FNDC7: variants seen among roughly 807,000 people sequenced by gnomAD.
The protein encoded by FNDC7 is fibronectin type III domain-containing protein 7.
In FNDC7, 66 loss-of-function variants were observed where a neutral mutation model predicts 74.2. The ratio of observed to expected loss-of-function variants is 0.89; its 90% CI spans 0.73 to 1.09. FNDC7 has a LOEUF of 1.09. Ranked by LOEUF, FNDC7 falls within the 50% of genes least tolerant of loss-of-function variation. The probability of loss-of-function intolerance (pLI) is 0.00; values close to 1 mark genes in which losing one functional copy is unlikely to be tolerated. For missense variants in FNDC7, 829 were observed against 893.4 expected, an observed-to-expected ratio of 0.93 and a Z score of 0.92; for synonymous variants, 307 against 330.2, an observed-to-expected ratio of 0.93 and a Z score of 0.76.
rs1008329832 is a variant in FNDC7 at position 108,723,226 on chromosome 1, G to A, written c.856+634G>A. Among the ~76,000 whole-genome samples, 6 of 152,070 alleles carry A rather than the reference G, an allele frequency of 3.9e-5. No homozygotes were observed. The East Asian group carries it at 1.2e-3, about 29-fold the overall frequency. On this transcript the variant is annotated intron_variant, in intron 5 of 12. Coordinates refer to ENST00000370017, the MANE Select transcript of FNDC7 (RefSeq NM_001144937.3). ...ATCTCATGACAACTCAGTGAGGTGG[G>A]TTCTATTTTCTCTTTTTTTACATAA...
At chr1:108,720,409 A>G (rs1371600601) in intron 4 of FNDC7, among the ~76,000 whole-genome samples, 1 of 152,240 alleles carries the variant, frequency 6.6e-6, no homozygotes, top group Non-Finnish European at 1.5e-5. Context: ...CACAGGAGGC[A>G]GCATCTTCAT....
chr1:108,721,241 G>A (rs185108163), intron 4 of FNDC7, among the ~76,000 whole-genome samples: 10 of 152,250 alleles, frequency 6.6e-5, no homozygotes, highest in Middle Eastern at 3.4e-3. Flanking sequence ...AGGCTGAGGC[G>A]GGTGGATCAC....
At chr1:108,728,931 T>C (rs1474738698) in intron 8 of FNDC7, 45 bp downstream of exon 8, 1 of 1,594,804 alleles carries the variant, frequency 6.3e-7, no homozygotes, top group South Asian at 1.1e-5. Flanking sequence ...AGTGGGGTCC[T>C]TATGGAGTGT....
chr1:108,729,779 T>C (rs1418513026), intron 8 of FNDC7, among the ~76,000 whole-genome samples: 2 of 152,216 alleles, frequency 1.3e-5, no homozygotes, highest in South Asian at 2.1e-4. Flanking sequence ...GTTTTTCTTA[T>C]ATACAGTGAT....
intron 10 of FNDC7, among the ~76,000 whole-genome samples, chr1:108,735,988 TG>T (rs1237983451): frequency 6.6e-6 from 1 of 151,952 alleles, no homozygotes; most frequent in East Asian, 1.9e-4. Context: ...AAAATTTTTT[TG>T]TAGAGACAAG....
intron 10 of FNDC7, among the ~76,000 whole-genome samples, chr1:108,735,519 T>C (rs1328716281): frequency 1.3e-5 from 2 of 152,178 alleles, no homozygotes; most frequent in Non-Finnish European, 2.9e-5. Flanking sequence ...ATATGCACCA[T>C]GCATGAAAAA....
intron 4 of FNDC7, among the ~76,000 whole-genome samples, chr1:108,721,063 C>T (rs1327606397): frequency 1.3e-5 from 2 of 152,244 alleles, no homozygotes; most frequent in Admixed American, 6.5e-5. Context: ...AGCAGAACTG[C>T]CTCTGCAGAC....
intron 2 of FNDC7, among the ~76,000 whole-genome samples, chr1:108,715,338 C>T (rs1193845097): frequency 6.6e-6 from 1 of 152,164 alleles, no homozygotes; most frequent in African/African-American, 2.4e-5. Flanking sequence ...TTTTCTCTTT[C>T]ATCAGTCCAG....
intron 4 of FNDC7, 60 bp downstream of exon 4, chr1:108,719,109 G>A: frequency 6.5e-7 from 1 of 1,530,128 alleles, no homozygotes; most frequent in Non-Finnish European, 8.8e-7. Context: ...GGGGGGCTGT[G>A]TGTTGCAGCC....
At chr1:108,722,306 A>G (rs753031020) in intron 4 of FNDC7, 29 bp from the exon 5 acceptor site, 1 of 1,537,612 alleles carries the variant, frequency 6.5e-7, no homozygotes, top group South Asian at 1.2e-5. Context: ...AGGCTACTAC[A>G]AAATCTTAAT....
rs562744049 is a variant in FNDC7, at chr1:108,728,394, G to T, written c.1370-238G>T. On this transcript the variant is annotated intron_variant, in intron 7 of 12. Transcript: ENST00000370017. ...ATAAATATGTTTCTTACTTACTTTT[G>T]CTTTTGGAGTTCACAATGCTTTTAA... Among the ~76,000 whole-genome samples, 16 of 152,248 alleles carry T rather than the reference G, an allele frequency of 1.1e-4. No homozygotes were observed. The East Asian group carries it at 3.1e-3, about 29-fold the overall frequency.
chr1:108,721,751 C>T (rs1333317735), intron 4 of FNDC7, among the ~76,000 whole-genome samples: 1 of 152,180 alleles, frequency 6.6e-6, no homozygotes, highest in Non-Finnish European at 1.5e-5. Flanking sequence ...ATGTATGCAT[C>T]ACACTTGACA....
intron 5 of FNDC7, among the ~76,000 whole-genome samples, chr1:108,723,498 A>T (rs955222551): frequency 4.6e-5 from 7 of 152,248 alleles, no homozygotes; most frequent in African/African-American, 9.6e-5. Flanking sequence ...CAGGAAAAAA[A>T]AAATAAAGCT....
chr1:108,733,173 C>G, intron 9 of FNDC7, 99 bp from the exon 10 acceptor site: 1 of 1,409,178 alleles, frequency 7.1e-7, no homozygotes, highest in East Asian at 2.3e-5. Context: ...GTTACTTAGA[C>G]TAGTTTGCTT....
rs572093742 is a variant in FNDC7 at position 108,737,524 on chromosome 1, G to A, written c.2170G>A (p.Val724Met). 1 of 1,588,892 alleles carries A rather than the reference G, an allele frequency of 6.3e-7. No individual in the cohort carries two copies. Among genetic ancestry groups the A allele is most frequent in the African/African-American group, 1.4e-5 (1 of 73,132 alleles). ...VTCSGSTLGM[V>M]IYRGKRNEE ...TTGCTCTGGAAGTACACTTGGAATG[G>A]GTAAGTCATTTTTCTCATGGATAAA... Residue 724 changes from valine (V) to methionine (M), a missense_variant and splice_region_variant, in exon 11 of 13, where the codon GTG becomes ATG. Physicochemically the swap from Val to Met is conservative, Grantham distance 21. Coordinates refer to ENST00000370017, the MANE Select transcript of FNDC7 (RefSeq NM_001144937.3).
chr1:108,732,657 T>A (rs144063702), intron 9 of FNDC7, among the ~76,000 whole-genome samples: 167 of 152,326 alleles, frequency 1.1e-3, no homozygotes, highest in African/African-American at 3.8e-3. Flanking sequence ...GTATTAAAAA[T>A]TCATACTGCA....
chr1:108,716,226 G>A (rs1350326113), intron 2 of FNDC7, among the ~76,000 whole-genome samples: 1 of 152,062 alleles, frequency 6.6e-6, no homozygotes, highest in African/African-American at 2.4e-5. Flanking sequence ...ATTAACTCTG[G>A]GGACAGAGGA....
At chr1:108,723,522 C>T (rs1661141433) in intron 5 of FNDC7, among the ~76,000 whole-genome samples, 1 of 152,084 alleles carries the variant, frequency 6.6e-6, no homozygotes, top group Non-Finnish European at 1.5e-5. Context: ...CTTTCAGGCC[C>T]GCACTCTCTT....
rs780764349 is a variant in FNDC7 at position 108,725,870 on chromosome 1, TG to T, written c.979del (p.Glu327LysfsTer80). The T allele has an allele frequency of 2.7e-5, 44 of 1,614,122 alleles. No homozygotes were observed. Among genetic ancestry groups the T allele is most frequent in the Non-Finnish European group, 3.6e-5 (43 of 1,180,022 alleles). ...GTCTTTGTGAAGAGTGATGATGGCT[TG>T]GAAGTACACTGCAACACATCTCTCA... ...YVVFVKSDDGLEVHCNTSLTQ... is the reference protein window; with the variant it reads ...YVVFVKSDDGXEVHCNTSLTQ... On this transcript the variant is annotated frameshift_variant, in exon 6 of 13. Coordinates refer to ENST00000370017, the MANE Select transcript of FNDC7 (RefSeq NM_001144937.3). LOFTEE classifies it high-confidence loss of function.
Sources: gnomAD v4.1 joint callset for allele counts (sites outside exome capture counted in the v4.1 genomes callset) on GRCh38, gnomAD v4.1.1 for gene constraint, MANE v1.5 for transcripts, NCBI Gene and HGNC (gene_info 2026-07-23, HGNC 2026-07-21) for gene names.